Variants in SORCS2 observed in about 807,000 individuals in gnomAD.
SORCS2 encodes the protein VPS10 domain-containing receptor SorCS2.
In SORCS2, 100 loss-of-function variants were observed where a neutral mutation model predicts 141.6. The ratio of observed to expected loss-of-function variants is 0.71; its 90% CI spans 0.60 to 0.83. The LOEUF is 0.83. SORCS2 is among the 40% of genes least tolerant of loss of function. The pLI is 0.00. For synonymous variants in SORCS2, 789 were observed against 676.9 expected (o/e 1.17, Z -2.57); for missense variants, 1,646 against 1,560.2 (o/e 1.05, Z -0.93).
intron 2 of SORCS2, among the ~76,000 whole-genome samples, chr4:7,511,346 A>AGG (rs1189228796): frequency 5.5e-5 from 7 of 126,576 alleles, no homozygotes; most frequent in African/African-American, 1.9e-4. Context: ...AGAGAGAGGG[A>AGG]GGGAGAGAGA....
chr4:7,299,466 G>A (rs549157893), intron 1 of SORCS2, among the ~76,000 whole-genome samples: 46 of 152,294 alleles, frequency 3.0e-4, no homozygotes, highest in African/African-American at 1.1e-3. Context: ...CATCTGGCCT[G>A]GAACATCAAA....
intron 3 of SORCS2, among the ~76,000 whole-genome samples, chr4:7,559,191 C>G (rs1050730246): frequency 6.6e-6 from 1 of 152,174 alleles, no homozygotes; most frequent in African/African-American, 2.4e-5. Flanking sequence ...CAGCTACGTG[C>G]CCCCCTCCAA....
chr4:7,208,881 T>C (rs937353748), intron 1 of SORCS2, among the ~76,000 whole-genome samples: 1 of 152,204 alleles, frequency 6.6e-6, no homozygotes, highest in Non-Finnish European at 1.5e-5. Flanking sequence ...CTGGTCTGTG[T>C]GACGCCAACC....
At position 7,457,931 on chromosome 4, in the gene SORCS2, C is replaced by T. The variant is rs551920111; in HGVS notation, c.548+61576C>T. Among the ~76,000 whole-genome samples, 8 of 151,952 alleles carry T rather than the reference C, an allele frequency of 5.3e-5. No individual in the cohort carries two copies. In the South Asian group the frequency reaches 6.2e-4, roughly 12 times the overall value. ...GGCGGGGGTGTCCACACCACTAGCC[C>T]GAGAGGCTGCGGGGCAGGGACGTCC... is the stretch of plus-strand genomic sequence containing the variant. On this transcript the variant is annotated intron_variant, in intron 2 of 26. Transcript: ENST00000507866.
chr4:7,247,509 G>T (rs1277922880), intron 1 of SORCS2, among the ~76,000 whole-genome samples: 2 of 152,200 alleles, frequency 1.3e-5, no homozygotes, highest in African/African-American at 2.4e-5. Flanking sequence ...ACCATAAACG[G>T]CATCGTAAAA....
intron 1 of SORCS2, among the ~76,000 whole-genome samples, chr4:7,209,419 G>A (rs1300369280): frequency 6.6e-6 from 1 of 152,180 alleles, no homozygotes; most frequent in Non-Finnish European, 1.5e-5. Context: ...GGAGGACTTG[G>A]GAGGCTGTGT....
chr4:7,704,292 C>T lies in SORCS2; in HGVS notation c.1868+8C>T, dbSNP rs774397084. The T allele has an allele frequency of 1.3e-5, 20 of 1,599,924 alleles. No individual in the cohort carries two copies. Among genetic ancestry groups the T allele is most frequent in the South Asian group, 6.8e-5 (6 of 88,554 alleles). On this transcript the variant is annotated splice_region_variant and intron_variant, in intron 14 of 26. Transcript: ENST00000507866. ...CGAGACGCTGGTCATGACGTGAGTG[C>T]GGGGACCGGGGAGTGGGCACTGGTG...
intron 1 of SORCS2, among the ~76,000 whole-genome samples, chr4:7,359,064 G>A (rs1424591775): frequency 1.3e-5 from 2 of 152,224 alleles, no homozygotes; most frequent in Non-Finnish European, 2.9e-5. Flanking sequence ...GGGAGGCCGA[G>A]GCAGGGGGAT....
intron 2 of SORCS2, chr4:7,434,840 C>A (rs754058823): frequency 1.3e-6 from 2 of 1,590,862 alleles, no homozygotes; most frequent in Admixed American, 1.8e-5. Context: ...GCCCTGGTGG[C>A]CCCCAGGAGG....
In SORCS2 at chr4:7,714,288, T is replaced by C. The variant is rs1474251057; in HGVS notation, c.2038T>C (p.Ser680Pro). Residue 680 changes from serine (S) to proline (P), a missense_variant, in exon 16 of 27, where the codon TCC (serine) becomes CCC (proline). By Grantham distance (74) the Ser-to-Pro change is moderately conservative (BLOSUM62 -1). Transcript: ENST00000507866. ...GQQRSFRKRK[S>P]TSWCIKGRSF... ...GCAGAGAAGTTTCCGGAAAAGAAAG[T>C]CCACGTCCTGGTGCATCAAGGGGAG... 6.2e-7 allele frequency: 1 copy of C among 1,608,682 alleles called. No homozygotes were observed. Among genetic ancestry groups the C allele is most frequent in the East Asian group, 2.2e-5 (1 of 44,722 alleles).
intron 1 of SORCS2, among the ~76,000 whole-genome samples, chr4:7,237,283 C>T (rs910791493): frequency 5.3e-5 from 8 of 152,216 alleles, no homozygotes; most frequent in African/African-American, 9.7e-5. Flanking sequence ...AAAGGGATTC[C>T]TGCTGAAAAC....
chr4:7,545,491 A>C (rs1451162595), intron 3 of SORCS2, among the ~76,000 whole-genome samples: 1 of 152,142 alleles, frequency 6.6e-6, no homozygotes, highest in African/African-American at 2.4e-5. Flanking sequence ...AGAGACAGGG[A>C]CCTGCCCATG....
chr4:7,327,702 C>T (rs927454554), intron 1 of SORCS2, among the ~76,000 whole-genome samples: 9 of 152,216 alleles, frequency 5.9e-5, no homozygotes, highest in African/African-American at 2.2e-4. Flanking sequence ...TGTGCAGACC[C>T]GTCAGACCCT....
At chr4:7,696,495 C>T (rs1035735215) in intron 11 of SORCS2, among the ~76,000 whole-genome samples, 2 of 152,202 alleles carry the variant, frequency 1.3e-5, no homozygotes, top group Admixed American at 1.3e-4. Flanking sequence ...GTTCAGCTTC[C>T]TCATCTGTAA....
At chr4:7,425,162 A>G (rs1726341044) in intron 2 of SORCS2, among the ~76,000 whole-genome samples, 1 of 152,186 alleles carries the variant, frequency 6.6e-6, no homozygotes, top group Admixed American at 6.5e-5. Flanking sequence ...AGAATCCACT[A>G]GGAACAGCAC....
intron 4 of SORCS2, among the ~76,000 whole-genome samples, chr4:7,653,019 A>G (rs1048317601): frequency 1.3e-5 from 2 of 151,448 alleles, no homozygotes; most frequent in Non-Finnish European, 2.9e-5. Context: ...ACCAGCCTCA[A>G]GACAGTGCTC....
intron 1 of SORCS2, among the ~76,000 whole-genome samples, chr4:7,225,704 T>TG (rs1728951939): frequency 6.6e-6 from 1 of 152,146 alleles, no homozygotes; most frequent in Non-Finnish European, 1.5e-5. Context: ...CCGCACCCTG[T>TG]GAGCTGGCCC....
chr4:7,513,339 C>CT (rs1165724857), intron 2 of SORCS2, among the ~76,000 whole-genome samples: 5 of 152,272 alleles, frequency 3.3e-5, no homozygotes, highest in Middle Eastern at 3.4e-3. Context: ...CACCTGCCCC[C>CT]CAACCCTGCA....
At chr4:7,284,850 G>A (rs1716102452) in intron 1 of SORCS2, among the ~76,000 whole-genome samples, 1 of 152,080 alleles carries the variant, frequency 6.6e-6, no homozygotes, top group Non-Finnish European at 1.5e-5. Context: ...AGGCTCTGGG[G>A]GAAGATCCTT....
Sources: allele counts gnomAD v4.1 joint callset (sites outside exome capture counted in the v4.1 genomes callset), GRCh38; gene constraint gnomAD v4.1.1; transcripts MANE v1.5; gene names NCBI Gene and HGNC (gene_info 2026-07-23, HGNC 2026-07-21).